The following DPY19L3 variants were observed in gnomAD, a reference collection of about 807,000 sequenced individuals.
DPY19L3 encodes dpy-19 like C-mannosyltransferase 3.
DPY19L3 carries 51 observed loss-of-function variants against 92.3 expected under a neutral mutation model. The observed-to-expected ratio is 0.55, with a 90% CI of 0.44 to 0.70. DPY19L3 has a LOEUF of 0.70. DPY19L3 is among the 30% of genes least tolerant of loss of function. The pLI is 0.00. For missense variants in DPY19L3, 706 were observed against 855.9 expected (o/e 0.82, Z 2.18); for synonymous variants, 309 against 315.2 (o/e 0.98, Z 0.21).
intron 16 of DPY19L3, among the ~76,000 whole-genome samples, chr19:32,475,707 C>T (rs1490284441): frequency 6.6e-6 from 1 of 152,236 alleles, no homozygotes; most frequent in South Asian, 2.1e-4. Context: ...CTAAGGAATT[C>T]TGTGCACCTT....
At chr19:32,478,559 A>G (rs890207387) in intron 17 of DPY19L3, among the ~76,000 whole-genome samples, 2 of 152,174 alleles carry the variant, frequency 1.3e-5, no homozygotes, top group African/African-American at 4.8e-5. Flanking sequence ...GGAGGCAGAT[A>G]ATGTTAGCAG....
chr19:32,456,068 G>A (rs1969853850), intron 10 of DPY19L3, among the ~76,000 whole-genome samples: 1 of 144,528 alleles, frequency 6.9e-6, no homozygotes, highest in Non-Finnish European at 1.5e-5. Flanking sequence ...CAGTCACTAT[G>A]TCACTATGTT....
rs952629995 is a variant in DPY19L3, at chr19:32,447,042, A to G, written c.856-6103A>G. 5.3e-5 allele frequency among the ~76,000 whole-genome samples: 8 copies of G among 152,362 alleles called. 1 individual carries two copies. The South Asian group carries it at 1.7e-3, about 32-fold the overall frequency. On this transcript the variant is annotated intron_variant, in intron 8 of 18. Transcript: ENST00000392250. ...TGCAATGGATTCAAATTTGAAATCA[A>G]TACAGAAAGATAACAGGAAATGTTT...
chr19:32,467,359 AT>A, intron 15 of DPY19L3: 1 of 820,540 alleles, frequency 1.2e-6, no homozygotes, highest in Non-Finnish European at 1.5e-6. Flanking sequence ...AGAGCATTTC[AT>A]TAAAAAGTTG....
In DPY19L3 at chr19:32,458,459, T is replaced by G. The variant is rs1969936640; in HGVS notation, c.1272T>G (p.Val424=). 3.7e-6 allele frequency: 6 copies of G among 1,613,852 alleles called. No individual in the cohort carries two copies. Among genetic ancestry groups the G allele is most frequent in the Non-Finnish European group, 5.1e-6 (6 of 1,179,974 alleles). ...TGCTTTTTTATGCTTACATATTCGT[T>G]CTGTCCATCACAGTGATTGTAGCAT... ...DTLLFYAYIF[V]LSITVIVAFV... Residue 424 remains valine (V), a synonymous_variant, in exon 12 of 19, where the codon GTT becomes GTG. Coordinates refer to ENST00000392250, the MANE Select transcript of DPY19L3 (RefSeq NM_001172774.2).
Position 32,408,220 on chromosome 19 carries a change from T to C in DPY19L3, c.-34T>C, listed in dbSNP as rs1425806810. On this transcript the variant is annotated 5_prime_UTR_variant, in exon 2 of 19. Coordinates refer to ENST00000392250, the MANE Select transcript of DPY19L3 (RefSeq NM_001172774.2). ...TGGCCTGTTTATTGCTATCTAGGAG[T>C]GATTTGGAGAACAATGCATGTAAGT... is the stretch of plus-strand genomic sequence containing the variant. The C allele has an allele frequency of 1.3e-6, 2 of 1,496,282 alleles. No individual in the cohort carries two copies. The highest frequency in any genetic ancestry group is 2.3e-5 in the South Asian group (2 of 87,328). 92.7% of individuals were successfully genotyped at this position (1,496,282 alleles called of 1,614,324 possible). A position where few individuals can be genotyped will look rare whatever the true frequency, so the allele number is the denominator to read the frequency against.
chr19:32,428,329 G>T (rs1348350364), intron 3 of DPY19L3, among the ~76,000 whole-genome samples: 1 of 151,100 alleles, frequency 6.6e-6, no homozygotes. Context: ...GAGTTGTTTT[G>T]TTTTTTTTAA....
intron 17 of DPY19L3, among the ~76,000 whole-genome samples, chr19:32,478,224 C>T (rs535974072): frequency 2.0e-5 from 3 of 152,204 alleles, no homozygotes; most frequent in East Asian, 1.9e-4. Flanking sequence ...GACCACAGGT[C>T]CTCCCCAGGT....
At position 32,458,365 on chromosome 19, in the gene DPY19L3, A is replaced by C; in HGVS notation, c.1178A>C (p.Asn393Thr). 4.3e-6 allele frequency: 7 copies of C among 1,610,680 alleles called. No homozygotes were observed. Among genetic ancestry groups the C allele is most frequent in the East Asian group, 2.2e-5 (1 of 44,868 alleles). ...GLGATRDFDA[N>T]LYLCEEAFGL... is the part of the protein sequence containing the mutation. ...TTGTTCCCTAGGGATTTTGATGCAA[A>C]TCTCTATCTGTGTGAAGAAGCTTTT... The change falls in exon 12 of 19, where the codon AAT becomes ACT. Residue 393 changes from asparagine to threonine, a missense_variant. Coordinates refer to ENST00000392250, the MANE Select transcript of DPY19L3 (RefSeq NM_001172774.2).
rs1458921458 is a variant in DPY19L3, at chr19:32,482,764, C to G, written c.*524C>G. The G allele has an allele frequency of 6.5e-6, 1 of 152,954 alleles. No homozygotes were observed. The highest frequency in any genetic ancestry group is 6.5e-5 in the Admixed American group (1 of 15,400). The allele number at this position is 152,954 out of a possible 1,614,324, so 9.5% of individuals were successfully genotyped here. On this transcript the variant is annotated 3_prime_UTR_variant, in exon 19 of 19. Coordinates refer to ENST00000392250, the MANE Select transcript of DPY19L3 (RefSeq NM_001172774.2). ...TATTTTCCAGTTGTCATGCTGTCAA[C>G]ATTAACAAAAAAAATCATGTTAAGG...
At chr19:32,410,283 C>G (rs1179454566) in intron 2 of DPY19L3, among the ~76,000 whole-genome samples, 2 of 152,122 alleles carry the variant, frequency 1.3e-5, no homozygotes, top group African/African-American at 2.4e-5. Context: ...TTCATCTTGA[C>G]AGGACAATAA....
intron 8 of DPY19L3, among the ~76,000 whole-genome samples, chr19:32,447,029 A>C (rs777224953): frequency 1.3e-5 from 2 of 152,242 alleles, no homozygotes; most frequent in Non-Finnish European, 2.9e-5. Context: ...CAATGGATTC[A>C]AATTTGAAAT....
At chr19:32,465,383 G>T (rs1456581925) in intron 15 of DPY19L3, among the ~76,000 whole-genome samples, 1 of 152,168 alleles carries the variant, frequency 6.6e-6, no homozygotes, top group African/African-American at 2.4e-5. Flanking sequence ...GTTGACTGTG[G>T]CTTTTTGTCA....
At chr19:32,464,182 A>T (rs573002746) in intron 14 of DPY19L3, among the ~76,000 whole-genome samples, 6 of 152,208 alleles carry the variant, frequency 3.9e-5, no homozygotes, top group Admixed American at 3.9e-4. Context: ...CTCAGACTAT[A>T]AGTTAGATAT....
Position 32,482,228 on chromosome 19 carries a change from C to G in DPY19L3, c.2139C>G (p.Ser713=), listed in dbSNP as rs1259649596. Residue 713 remains serine, a synonymous_variant, in exon 19 of 19, where the codon TCC becomes TCG. Coordinates refer to ENST00000392250, the MANE Select transcript of DPY19L3 (RefSeq NM_001172774.2). ...AAACCTTCCACGTTTACAAGCTGTC[C>G]AGAAACAAGTAGCGCAGATTTCTGC... is the stretch of plus-strand genomic sequence containing the variant. ...QNKTFHVYKL[S]RNK 1 of 1,611,786 alleles carries G rather than the reference C, an allele frequency of 6.2e-7. No homozygotes were observed. Among genetic ancestry groups the G allele is most frequent in the East Asian group, 2.2e-5 (1 of 44,850 alleles).
intron 2 of DPY19L3, 90 bp from the exon 3 acceptor site, chr19:32,411,149 G>A: frequency 1.4e-6 from 2 of 1,387,498 alleles, no homozygotes; most frequent in Admixed American, 2.2e-5. Context: ...CAGGCAGCTA[G>A]ACTTAGCTTA....
intron 14 of DPY19L3, among the ~76,000 whole-genome samples, 175 bp downstream of exon 14, chr19:32,464,155 TAAA>T (rs1231249299): frequency 1.3e-5 from 2 of 152,058 alleles, no homozygotes; most frequent in African/African-American, 4.8e-5. Flanking sequence ...AATTTTATTT[TAAA>T]AAATTACTTT....
Position 32,468,746 on chromosome 19 carries a change from A to T in DPY19L3, c.1630A>T (p.Met544Leu). 1 of 1,613,908 alleles carries T rather than the reference A, an allele frequency of 6.2e-7. No individual in the cohort carries two copies. The highest frequency in any genetic ancestry group is 8.5e-7 in the Non-Finnish European group (1 of 1,179,918). ...TTAATTTCAGTTCTGGCCAGGAATG[A>T]TGGATGAACTCTCCGAGTTGAGAGA... ...YLCYKFWPGM[M>L]DELSELREFY... The change falls in exon 16 of 19, where the codon ATG (methionine) becomes TTG (leucine). Residue 544 changes from methionine (M) to leucine (L), a missense_variant. By Grantham distance (15) the Met-to-Leu change is conservative. Coordinates refer to ENST00000392250, the MANE Select transcript of DPY19L3 (RefSeq NM_001172774.2).
chr19:32,430,905 GCAT>G (rs1968944288), intron 3 of DPY19L3, among the ~76,000 whole-genome samples: 1 of 151,710 alleles, frequency 6.6e-6, no homozygotes, highest in African/African-American at 2.4e-5. Context: ...ATGGCTATAG[GCAT>G]GAGCCACCGC....
Sources: gnomAD v4.1 joint callset for allele counts (sites outside exome capture counted in the v4.1 genomes callset) on GRCh38, gnomAD v4.1.1 for gene constraint, MANE v1.5 for transcripts, NCBI Gene and HGNC (gene_info 2026-07-23, HGNC 2026-07-21) for gene names.